The following FHIT variants were observed in gnomAD, a reference collection of about 807,000 sequenced individuals.
The protein encoded by FHIT is fragile histidine triad diadenosine triphosphatase.
Under a neutral mutation model 17.9 loss-of-function variants are expected in FHIT, and 19 were observed. The observed-to-expected ratio is 1.06, with a 90% confidence interval of 0.74 to 1.56. The LOEUF is 1.56. Ranked by LOEUF, FHIT falls within the 40% of genes most tolerant of loss-of-function variation. The pLI, the probability that FHIT is intolerant of heterozygous loss-of-function variation, is 0.00. For missense variants in FHIT, 248 were observed against 189.2 expected, an observed-to-expected ratio of 1.31 and a Z score of -1.82; for synonymous variants, 81 against 69.7, an observed-to-expected ratio of 1.16 and a Z score of -0.81.
intron 3 of FHIT, among the ~76,000 whole-genome samples, chr3:60,886,833 C>T (rs1705245314): frequency 6.6e-6 from 1 of 152,118 alleles, no homozygotes; most frequent in South Asian, 2.1e-4. Context: ...CAAATTAGCT[C>T]AGTAGAAAGG....
At chr3:60,870,820 C>T (rs1387642003) in intron 3 of FHIT, among the ~76,000 whole-genome samples, 1 of 152,044 alleles carries the variant, frequency 6.6e-6, no homozygotes, top group Non-Finnish European at 1.5e-5. Context: ...TAATGTAATT[C>T]CGTCTTGAAG....
At chr3:60,330,029 T>G (rs1055209822) in intron 5 of FHIT, among the ~76,000 whole-genome samples, 1 of 152,242 alleles carries the variant, frequency 6.6e-6, no homozygotes, top group Non-Finnish European at 1.5e-5. Flanking sequence ...TAGCCGATTG[T>G]GGTAATCCAA....
At chr3:60,389,986 GA>G (rs768175381) in intron 5 of FHIT, among the ~76,000 whole-genome samples, 10 of 152,088 alleles carry the variant, frequency 6.6e-5, no homozygotes, top group Non-Finnish European at 1.5e-4. Context: ...CTGCTCCTCT[GA>G]AAACGCTTTT....
At chr3:60,892,877 C>T (rs6786595) in intron 3 of FHIT, among the ~76,000 whole-genome samples, 3,359 of 152,116 alleles carry the variant, frequency 0.022, 124 homozygotes, top group African/African-American at 0.077. Context: ...TTAAAATATC[C>T]ATGCATGGAT....
chr3:60,300,157 G>A (rs1708391042), intron 5 of FHIT, among the ~76,000 whole-genome samples: 2 of 151,940 alleles, frequency 1.3e-5, no homozygotes, highest in Non-Finnish European at 2.9e-5. Context: ...TTTTAGTTTT[G>A]TCTTATATAC....
At chr3:60,431,413 T>A (rs1336205718) in intron 5 of FHIT, among the ~76,000 whole-genome samples, 1 of 152,080 alleles carries the variant, frequency 6.6e-6, no homozygotes, top group Non-Finnish European at 1.5e-5. Context: ...CTCTTATCCG[T>A]AGAATCAATT....
chr3:60,265,231 T>C (rs1306869590), intron 5 of FHIT, among the ~76,000 whole-genome samples: 1 of 150,756 alleles, frequency 6.6e-6, no homozygotes, highest in African/African-American at 2.4e-5. Flanking sequence ...AGAAGGAACA[T>C]ACATGCTGAA....
At chr3:60,291,053 G>T (rs560337317) in intron 5 of FHIT, among the ~76,000 whole-genome samples, 1 of 152,148 alleles carries the variant, frequency 6.6e-6, no homozygotes, top group African/African-American at 2.4e-5. Flanking sequence ...CGGCCTCATT[G>T]TCTGGGATGA....
rs114677778 is a variant in FHIT, at chr3:60,049,647, A to T, written c.104-35495T>A. 8.5e-3 allele frequency among the ~76,000 whole-genome samples: 1,293 copies of T among 152,290 alleles called. 18 individuals carry two copies. Among genetic ancestry groups the T allele is most frequent in the African/African-American group, 0.03 (1,231 of 41,558 alleles). On this transcript the variant is annotated intron_variant, in intron 5 of 9. Transcript: ENST00000492590. ...ACTGAAATACTACTTTACATATATT[A>T]AATAAAATACAGCATTAACATGATC...
At chr3:60,673,096 A>C (rs1484407820) in intron 4 of FHIT, among the ~76,000 whole-genome samples, 1 of 152,082 alleles carries the variant, frequency 6.6e-6, no homozygotes, top group South Asian at 2.1e-4. Context: ...TTTTGCTTTA[A>C]ATAGTAAGTT....
chr3:59,827,076 C>G (rs1186002937), intron 8 of FHIT, among the ~76,000 whole-genome samples: 1 of 152,170 alleles, frequency 6.6e-6, no homozygotes, highest in Non-Finnish European at 1.5e-5. Flanking sequence ...CCAATATTTA[C>G]TAAGAGCTTT....
chr3:61,106,332 C>T (rs1442742993), intron 2 of FHIT, among the ~76,000 whole-genome samples: 1 of 152,124 alleles, frequency 6.6e-6, no homozygotes, highest in Non-Finnish European at 1.5e-5. Flanking sequence ...AAGATCTATT[C>T]TCTTAGCAAT....
intron 2 of FHIT, among the ~76,000 whole-genome samples, chr3:61,063,034 T>G (rs1253002459): frequency 6.6e-6 from 1 of 151,912 alleles, no homozygotes; most frequent in Non-Finnish European, 1.5e-5. Context: ...CCGAGGTGGG[T>G]GGATCACGAG....
At chr3:60,863,025 AACATAAGTGGAAGGTGGAAG>A (rs1703990802) in intron 3 of FHIT, among the ~76,000 whole-genome samples, 1 of 152,130 alleles carries the variant, frequency 6.6e-6, no homozygotes, top group Non-Finnish European at 1.5e-5. Context: ...AGGTTGTAAA[AACATAAGTGGAAGGTGGAAG>A]AATCAGTCAG....
chr3:60,428,364 T>C (rs1026295997), intron 5 of FHIT, among the ~76,000 whole-genome samples: 3 of 152,128 alleles, frequency 2.0e-5, no homozygotes, highest in African/African-American at 4.8e-5. Flanking sequence ...ATAGGACCCA[T>C]TTCCCTGTCA....
intron 2 of FHIT, among the ~76,000 whole-genome samples, chr3:61,198,150 T>C (rs1011859577): frequency 5.3e-5 from 8 of 151,976 alleles, no homozygotes; most frequent in African/African-American, 1.5e-4. Flanking sequence ...GGTTCTGTAG[T>C]TGCAAGCAGA....
chr3:60,262,369 A>C (rs1706347490), intron 5 of FHIT, among the ~76,000 whole-genome samples: 1 of 152,032 alleles, frequency 6.6e-6, no homozygotes, highest in South Asian at 2.1e-4. Context: ...TGACAATGTC[A>C]AACTTTACCT....
intron 8 of FHIT, among the ~76,000 whole-genome samples, chr3:59,790,330 C>G (rs59191397): frequency 7.2e-5 from 11 of 152,096 alleles, no homozygotes; most frequent in African/African-American, 2.7e-4. Context: ...TTTAAGGACA[C>G]GGTGCACTGA....
chr3:60,468,061 CAT>C (rs1350768778), intron 5 of FHIT, among the ~76,000 whole-genome samples: 1 of 151,958 alleles, frequency 6.6e-6, no homozygotes, highest in African/African-American at 2.4e-5. Flanking sequence ...TGTCTCTTAC[CAT>C]AGTTTTTGTC....
Sources: gnomAD v4.1 joint callset for allele counts (sites outside exome capture counted in the v4.1 genomes callset) on GRCh38, gnomAD v4.1.1 for gene constraint, MANE v1.5 for transcripts, NCBI Gene and HGNC (gene_info 2026-07-23, HGNC 2026-07-21) for gene names.